ENC1: variants seen among roughly 807,000 people sequenced by gnomAD.
ENC1 encodes the protein ectodermal-neural cortex 1, also known as ectoderm-neural cortex protein 1.
In ENC1, 19 loss-of-function variants were observed where a neutral mutation model predicts 40.9. The observed-to-expected ratio is 0.46, with a 90% CI of 0.32 to 0.68. The LOEUF is 0.68. ENC1 is among the 30% of genes least tolerant of loss of function. ENC1 has a pLI of 0.03. For synonymous variants in ENC1, 285 were observed against 291.1 expected, an observed-to-expected ratio of 0.98 and a Z score of 0.21; for missense variants, 479 against 737.5, an observed-to-expected ratio of 0.65 and a Z score of 4.06.
In ENC1 at chr5:74,636,137, C is replaced by T. The variant is rs1294191821; in HGVS notation, c.349G>A (p.Ala117Thr). Residue 117 changes from alanine to threonine, a missense_variant, in exon 2 of 3, where the codon GCA (alanine) becomes ACA (threonine). Physicochemically the swap from Ala to Thr is moderately conservative, Grantham distance 58. Transcript: ENST00000302351. This position sits in a 1 kb window ranked among gnomAD's most constrained non-coding sequence, Gnocchi z 4.8. ...TCACCAGCTTCCAGGAGCGATTCTGCATTTTCTTCATTGATGATGACCCGG... is the reference window on the plus strand; with the variant it reads ...TCACCAGCTTCCAGGAGCGATTCTGTATTTTCTTCATTGATGATGACCCGG... The part of the protein sequence containing the change: ...SSRVIINEEN[A>T]ESLLEAGDML... 6.2e-7 allele frequency: 1 copy of T among 1,614,174 alleles called. No homozygotes were observed. Among genetic ancestry groups the T allele is most frequent in the Non-Finnish European group, 8.5e-7 (1 of 1,180,040 alleles).
At chr5:74,631,065 T>C (rs1474002556) in intron 2 of ENC1, among the ~76,000 whole-genome samples, 1 of 151,492 alleles carries the variant, frequency 6.6e-6, no homozygotes, top group African/African-American at 2.4e-5. Context: ...ATGTATCTTA[T>C]AATAATATAA....
Position 74,628,766 on chromosome 5 carries a change from C to T in ENC1, c.*1259G>A, listed in dbSNP as rs890578525. 6.6e-6 allele frequency: 1 copy of T among 152,146 alleles called. No individual in the cohort carries two copies. The highest frequency in any genetic ancestry group is 6.5e-5 in the Admixed American group (1 of 15,280). 9.4% of individuals were successfully genotyped at this position (152,146 alleles called of 1,614,324 possible). A position where few individuals can be genotyped will look rare whatever the true frequency, so the allele number is the denominator to read the frequency against. On this transcript the variant is annotated 3_prime_UTR_variant, in exon 3 of 3. Coordinates refer to ENST00000302351, the MANE Select transcript of ENC1 (RefSeq NM_003633.4). Reference sequence around the variant, plus strand: ...CCAGTAAATCTGGTGAGTTAATTTACATCTGTGATACTGCCGTTTTTCCCA... The same window carrying T: ...CCAGTAAATCTGGTGAGTTAATTTATATCTGTGATACTGCCGTTTTTCCCA...
intron 1 of ENC1, among the ~76,000 whole-genome samples, chr5:74,637,948 C>T (rs535106371): frequency 6.6e-6 from 1 of 152,292 alleles, no homozygotes; most frequent in Non-Finnish European, 1.5e-5. Flanking sequence ...ATAGGAAATG[C>T]TTGTCACCCA....
chr5:74,632,932 G>A (rs1461563318), intron 2 of ENC1, among the ~76,000 whole-genome samples: 1 of 152,138 alleles, frequency 6.6e-6, no homozygotes, highest in East Asian at 1.9e-4. Flanking sequence ...TAAGGGACAG[G>A]GAAAGAAAAG....
intron 2 of ENC1, 34 bp downstream of exon 2, chr5:74,634,650 T>C (rs1039077074): frequency 5.0e-6 from 5 of 1,001,000 alleles, no homozygotes; most frequent in Non-Finnish European, 7.6e-6. Context: ...AGCCTAATTA[T>C]ATGCATACTT....
Position 74,635,638 on chromosome 5 carries a change from A to T in ENC1, c.848T>A (p.Val283Glu), listed in dbSNP as rs1406021380. The change falls in exon 2 of 3, where the codon GTA becomes GAA. Residue 283 changes from valine to glutamate, a missense_variant. Transcript: ENST00000302351. The surrounding 1 kb of genome is among the most constrained non-coding windows in gnomAD (Gnocchi z 5.5). ...CCGAGGTCGGGCACAGAGGCTGGTTACCACACCGTCATTCTGCAGGATTTT... is the reference window on the plus strand; with the variant it reads ...CCGAGGTCGGGCACAGAGGCTGGTTTCCACACCGTCATTCTGCAGGATTTT... Reference protein sequence around the residue: ...KLKILQNDGVVTSLCARPRKT... With the variant: ...KLKILQNDGVETSLCARPRKT... 6.2e-7 allele frequency: 1 copy of T among 1,614,196 alleles called. No individual in the cohort carries two copies. The highest frequency in any genetic ancestry group is 1.3e-5 in the African/African-American group (1 of 75,046).
chr5:74,630,638 G>A (rs1035893145), intron 2 of ENC1, among the ~76,000 whole-genome samples: 3 of 152,194 alleles, frequency 2.0e-5, no homozygotes, highest in Non-Finnish European at 4.4e-5. Context: ...TCCACACGTA[G>A]GTGCCAGCAG....
intron 1 of ENC1, chr5:74,637,606 CT>C (rs1747648207): frequency 6.6e-6 from 1 of 152,206 alleles, no homozygotes; most frequent in Admixed American, 6.5e-5. Flanking sequence ...TATATCAATT[CT>C]TGGAAAACCA....
At chr5:74,634,027 T>G (rs1371081693) in intron 2 of ENC1, among the ~76,000 whole-genome samples, 1 of 152,274 alleles carries the variant, frequency 6.6e-6, no homozygotes, top group South Asian at 2.1e-4. Context: ...TGGTTGTTCA[T>G]TGGAATCATC....
In ENC1 at chr5:74,635,766, A is replaced by T. The variant is rs1303878462; in HGVS notation, c.720T>A (p.Leu240=). The change falls in exon 2 of 3, where the codon CTT becomes CTA. Residue 240 remains leucine (L), a synonymous_variant. Coordinates refer to ENST00000302351, the MANE Select transcript of ENC1 (RefSeq NM_003633.4). The surrounding 1 kb of genome is among the most constrained non-coding windows in gnomAD (Gnocchi z 5.5). ...PELLQTVRLA[L]LPAIYLMENV... ...TCTCCATGAGATAGATGGCTGGCAGAAGTGCCAGCCTTACTGTCTGCAACA... is the reference window on the plus strand; with the variant it reads ...TCTCCATGAGATAGATGGCTGGCAGTAGTGCCAGCCTTACTGTCTGCAACA... 1.7e-5 allele frequency: 28 copies of T among 1,613,496 alleles called. No homozygotes were observed. Among genetic ancestry groups the T allele is most frequent in the Non-Finnish European group, 2.2e-5 (26 of 1,179,564 alleles).
chr5:74,633,977 A>G (rs1747481334), intron 2 of ENC1, among the ~76,000 whole-genome samples: 1 of 152,342 alleles, frequency 6.6e-6, no homozygotes, highest in East Asian at 1.9e-4. Context: ...CTCAATAAAC[A>G]TTAGCTGGCA....
intron 2 of ENC1, among the ~76,000 whole-genome samples, chr5:74,633,786 T>A (rs1181395041): frequency 6.6e-6 from 1 of 151,298 alleles, no homozygotes; most frequent in Non-Finnish European, 1.5e-5. Flanking sequence ...TGCATTGACT[T>A]CCTAACCAGC....
In ENC1 at chr5:74,636,973, C is replaced by T. The variant is rs183749039; in HGVS notation, c.-13-475G>A. On this transcript the variant is annotated intron_variant, in intron 1 of 2. Transcript: ENST00000302351. This position sits in a 1 kb window ranked among gnomAD's most constrained non-coding sequence, Gnocchi z 4.8. Reference sequence around the variant, plus strand: ...ATGCCCCATGCAACATAAAGCCATGCGTAAAACAAACACCTAATAATTAAT... The same window carrying T: ...ATGCCCCATGCAACATAAAGCCATGTGTAAAACAAACACCTAATAATTAAT... Among the ~76,000 whole-genome samples the T allele has an allele frequency of 6.6e-6, 1 of 152,138 alleles. No homozygotes were observed. The highest frequency in any genetic ancestry group is 1.5e-5 in the Non-Finnish European group (1 of 68,022).
At position 74,635,370 on chromosome 5, in the gene ENC1, G is replaced by A. The variant is rs1334622528; in HGVS notation, c.1116C>T (p.Ala372=). 1 of 1,614,084 alleles carries A rather than the reference G, an allele frequency of 6.2e-7. No homozygotes were observed. Among genetic ancestry groups the A allele is most frequent in the African/African-American group, 1.3e-5 (1 of 74,918 alleles). The change falls in exon 2 of 3, where the codon GCC becomes GCT. Residue 372 remains alanine, a synonymous_variant. Coordinates refer to ENST00000302351, the MANE Select transcript of ENC1 (RefSeq NM_003633.4). This position sits in a 1 kb window ranked among gnomAD's most constrained non-coding sequence, Gnocchi z 5.5. The part of the protein sequence containing the change: ...DTLHEEWSKA[A]PMLVARFGHG... ...GGCCAAACCTGGCCACCAGCATGGGGGCAGCCTTGGACCACTCCTCGTGCA... is the reference window on the plus strand; with the variant it reads ...GGCCAAACCTGGCCACCAGCATGGGAGCAGCCTTGGACCACTCCTCGTGCA...
intron 1 of ENC1, chr5:74,637,825 C>A (rs1232151644): frequency 6.6e-6 from 1 of 151,460 alleles, no homozygotes. Context: ...TTAGGGCCAC[C>A]CCAGAATTTA....
chr5:74,635,323 T>C lies in ENC1; in HGVS notation c.1163A>G (p.His388Arg). ...RFGHGSAELK[H>R]CLYVVGGHTA... ...GTGCCCCCCAACCACATACAGGCAG[T>C]GCTTCAGTTCAGCAGAGCCATGGCC... is the stretch of plus-strand genomic sequence containing the variant. The change falls in exon 2 of 3, where the codon CAC becomes CGC. Residue 388 changes from histidine (H) to arginine (R), a missense_variant. His to Arg is a conservative substitution (Grantham distance 29). Transcript: ENST00000302351. This position sits in a 1 kb window ranked among gnomAD's most constrained non-coding sequence, Gnocchi z 5.5. 1 of 1,614,138 alleles carries C rather than the reference T, an allele frequency of 6.2e-7. No individual in the cohort carries two copies. The highest frequency in any genetic ancestry group is 8.5e-7 in the Non-Finnish European group (1 of 1,180,028).
chr5:74,632,325 T>G (rs528836695), intron 2 of ENC1: 1 of 152,226 alleles, frequency 6.6e-6, no homozygotes, highest in African/African-American at 2.4e-5. Flanking sequence ...TGCATTCATA[T>G]CTCAAATGAA....
rs142609535 is a variant in ENC1, at chr5:74,636,441, G to A, written c.45C>T (p.Ser15=). 2.9e-5 allele frequency: 46 copies of A among 1,613,392 alleles called. No homozygotes were observed. The highest frequency in any genetic ancestry group is 1.3e-4 in the African/African-American group (10 of 75,018). ...GAAACAGATAGATGTTAATGGAGCC[G>A]CTGCTGGCCCTGGACTTGCGGTTCT... ...VHENRKSRAS[S]GSINIYLFHK... The change falls in exon 2 of 3, where the codon AGC becomes AGT. Residue 15 remains serine, a synonymous_variant. Coordinates refer to ENST00000302351, the MANE Select transcript of ENC1 (RefSeq NM_003633.4). This position sits in a 1 kb window ranked among gnomAD's most constrained non-coding sequence, Gnocchi z 4.8.
Position 74,640,302 on chromosome 5 carries a change from C to G in ENC1, c.-14+5G>C, listed in dbSNP as rs1747809354. 6.5e-6 allele frequency: 1 copy of G among 152,838 alleles called. No homozygotes were observed. The allele number at this position is 152,838 out of a possible 1,614,324, so 9.5% of individuals were successfully genotyped here. A position where few individuals can be genotyped will look rare whatever the true frequency, so the allele number is the denominator to read the frequency against. On this transcript the variant is annotated splice_donor_5th_base_variant and intron_variant, in intron 1 of 2. Transcript: ENST00000302351. The stretch of plus-strand genomic sequence containing the variant: ...AACAGGTCCGGGGCAGTGGGGGAAA[C>G]TTACAGCAGTGGCGACTGGCCGCAA...
Sources: allele counts gnomAD v4.1 joint callset (sites outside exome capture counted in the v4.1 genomes callset), GRCh38; gene constraint gnomAD v4.1.1; non-coding constraint Gnocchi (gnomAD v3.1); transcripts MANE v1.5; gene names NCBI Gene and HGNC (gene_info 2026-07-23, HGNC 2026-07-21).